The following NTRK2 variants were observed in gnomAD, a reference collection of about 807,000 sequenced individuals.
NTRK2 encodes BDNF/NT-3 growth factors receptor.
In NTRK2, 13 loss-of-function variants were observed where a neutral mutation model predicts 94.5. That is an observed-to-expected ratio of 0.14 (90% CI 0.09 to 0.22). The LOEUF is 0.22. Ranked by LOEUF, NTRK2 falls within the 10% of genes least tolerant of loss-of-function variation. The pLI, the probability that NTRK2 is intolerant of heterozygous loss-of-function variation, is 1.00. For missense variants in NTRK2, 639 were observed against 1,071.2 expected (o/e 0.60, Z 5.63); for synonymous variants, 372 against 407.4 (o/e 0.91, Z 1.05).
At chr9:84,776,343 T>G (rs1376444601) in intron 12 of NTRK2, among the ~76,000 whole-genome samples, 7 of 152,176 alleles carry the variant, frequency 4.6e-5, no homozygotes, top group African/African-American at 1.4e-4. Context: ...TGCCTCAGTC[T>G]CCTGAGTAGC....
chr9:84,757,695 C>A (rs1460380783), intron 12 of NTRK2, among the ~76,000 whole-genome samples: 1 of 152,188 alleles, frequency 6.6e-6, no homozygotes, highest in Non-Finnish European at 1.5e-5. Context: ...ATGTTTCTGA[C>A]ACTTAGTAAT....
Position 84,930,601 on chromosome 9 carries a change from T to A in NTRK2, c.1634-3561T>A, listed in dbSNP as rs537316076. On this transcript the variant is annotated intron_variant, in intron 14 of 18. Transcript: ENST00000277120. ...GTGCATTGCCGAGGTTTTATTTAAA[T>A]CAGGGAGGTAAAGGGATGTTTAAGG... is the stretch of plus-strand genomic sequence containing the variant. 3.3e-5 allele frequency among the ~76,000 whole-genome samples: 5 copies of A among 152,238 alleles called. No individual in the cohort carries two copies. The East Asian group carries it at 9.7e-4, about 29-fold the overall frequency.
At chr9:84,702,468 A>T in intron 4 of NTRK2, 49 bp downstream of exon 4, 1 of 1,452,778 alleles carries the variant, frequency 6.9e-7, no homozygotes, top group Non-Finnish European at 9.7e-7. Flanking sequence ...TTTATTCAAT[A>T]TTTCCCCCCT....
intron 2 of NTRK2, among the ~76,000 whole-genome samples, chr9:84,686,949 G>T (rs1369968719): frequency 6.6e-6 from 1 of 152,034 alleles, no homozygotes; most frequent in Non-Finnish European, 1.5e-5. Flanking sequence ...CATATCTATT[G>T]ATGTTTTATT....
chr9:84,932,400 G>A (rs1210584923), intron 14 of NTRK2, among the ~76,000 whole-genome samples: 2 of 152,150 alleles, frequency 1.3e-5, no homozygotes, highest in Non-Finnish European at 2.9e-5. Context: ...TAGGAATGTA[G>A]GTACAATCAG....
At chr9:84,917,013 A>T (rs1270117400) in intron 14 of NTRK2, among the ~76,000 whole-genome samples, 1 of 152,080 alleles carries the variant, frequency 6.6e-6, no homozygotes, top group African/African-American at 2.4e-5. Context: ...TGGTCCTGTT[A>T]ATTAGCCTTC....
Position 85,026,687 on chromosome 9 carries a change from A to C in NTRK2, c.*5250A>C. On this transcript the variant is annotated 3_prime_UTR_variant, in exon 19 of 19. Coordinates refer to ENST00000277120, the MANE Select transcript of NTRK2 (RefSeq NM_006180.6). ...TGCATTTGCTTCTGTATCTGGAGAG[A>C]TGTTTGTATATATCCAGGCCGTATA... 1 of 232,934 alleles carries C rather than the reference A, an allele frequency of 4.3e-6. No individual in the cohort carries two copies. The allele number at this position is 232,934 out of a possible 1,614,324, so 14.4% of individuals were successfully genotyped here.
intron 17 of NTRK2, among the ~76,000 whole-genome samples, chr9:84,959,415 A>G (rs1254130284): frequency 6.6e-6 from 1 of 152,248 alleles, no homozygotes; most frequent in Non-Finnish European, 1.5e-5. Flanking sequence ...CATTCCCACT[A>G]GAAGTCCAAG....
intron 12 of NTRK2, among the ~76,000 whole-genome samples, chr9:84,836,495 C>T (rs866059434): frequency 6.6e-6 from 1 of 151,792 alleles, no homozygotes; most frequent in Middle Eastern, 3.4e-3. Flanking sequence ...TGAGCAAGTA[C>T]AGTCAATGCC....
At chr9:84,697,943 C>A (rs988283400) in intron 2 of NTRK2, among the ~76,000 whole-genome samples, 1 of 152,106 alleles carries the variant, frequency 6.6e-6, no homozygotes. Flanking sequence ...TCCCTCCCAC[C>A]CTTTCTTGCT....
Position 84,670,467 on chromosome 9 carries a change from C to A in NTRK2, c.-282C>A. 1 of 497,954 alleles carries A rather than the reference C, an allele frequency of 2.0e-6. No homozygotes were observed. The highest frequency in any genetic ancestry group is 1.9e-5 in the African/African-American group (1 of 51,756). 30.8% of individuals were successfully genotyped at this position (497,954 alleles called of 1,614,324 possible). On this transcript the variant is annotated 5_prime_UTR_variant, in exon 2 of 19. Transcript: ENST00000277120. ...GAGCGCCGCCGGTCGGTGCCCGGCG[C>A]GCCGGGCCATGCAGCGACGGCCGCC...
intron 17 of NTRK2, among the ~76,000 whole-genome samples, chr9:85,000,897 T>A (rs1830260983): frequency 6.6e-6 from 1 of 152,220 alleles, no homozygotes; most frequent in Admixed American, 6.5e-5. Context: ...TGAGAGTTCC[T>A]GTTGCTCCAC....
At chr9:84,901,194 G>GTTTTATTTTATTTTA (rs1339278155) in intron 14 of NTRK2, among the ~76,000 whole-genome samples, 3,169 of 63,490 alleles carry the variant, frequency 0.05, 69 homozygotes, top group South Asian at 0.063. Flanking sequence ...GTTTTGTTTT[G>GTTTTATTTTATTTTA]TTTTGTTTTG....
chr9:84,797,177 A>C (rs1265442713), intron 12 of NTRK2, among the ~76,000 whole-genome samples: 8 of 152,120 alleles, frequency 5.3e-5, no homozygotes, highest in Admixed American at 5.2e-4. Flanking sequence ...AGGTGGTTGC[A>C]TTACCCAAAG....
chr9:84,934,429 A>C (rs1198055784), intron 15 of NTRK2, 137 bp downstream of exon 15: 6 of 948,822 alleles, frequency 6.3e-6, no homozygotes, highest in Non-Finnish European at 9.8e-6. Flanking sequence ...AAATTCCTTT[A>C]AACTAAATGG....
rs1268292641 is a variant in NTRK2 at position 84,727,810 on chromosome 9, C to G, written c.1010C>G (p.Thr337Ser). The G allele has an allele frequency of 1.2e-6, 2 of 1,614,042 alleles. No homozygotes were observed. The highest frequency in any genetic ancestry group is 2.7e-5 in the African/African-American group (2 of 74,902). ...SKYICTKIHV[T>S]NHTEYHGCLQ... is the part of the protein sequence containing the mutation. ...TACATCTGTACTAAAATACATGTTA[C>G]CAATCACACGGAGTACCACGGCTGC... Residue 337 changes from threonine (T) to serine (S), a missense_variant, in exon 9 of 19, where the codon ACC (threonine) becomes AGC (serine). Thr to Ser is a moderately conservative substitution (Grantham distance 58, BLOSUM62 1). This residue lies in a region of NTRK2 where 343 missense variants were observed against 571.5 expected (regional missense o/e 0.60). Transcript: ENST00000277120.
chr9:84,680,555 T>G (rs1338947198), intron 2 of NTRK2, among the ~76,000 whole-genome samples: 1 of 152,226 alleles, frequency 6.6e-6, no homozygotes, highest in Non-Finnish European at 1.5e-5. Flanking sequence ...ATTTTCCCTC[T>G]CTCACATACC....
chr9:84,809,404 T>C (rs909398789), intron 12 of NTRK2, among the ~76,000 whole-genome samples: 1 of 148,288 alleles, frequency 6.7e-6, no homozygotes, highest in African/African-American at 2.4e-5. Flanking sequence ...ATATTATTTA[T>C]ATATTATTAT....
intron 11 of NTRK2, among the ~76,000 whole-genome samples, chr9:84,745,834 T>G (rs761656213): frequency 4.6e-5 from 7 of 152,114 alleles, no homozygotes; most frequent in Non-Finnish European, 8.8e-5. Flanking sequence ...GGCCAGGTTG[T>G]AGGTCTTGAC....
Sources: gnomAD v4.1 joint callset for allele counts (sites outside exome capture counted in the v4.1 genomes callset) on GRCh38, gnomAD v4.1.1 for gene constraint, gnomAD v4.1.1 regional missense constraint, MANE v1.5 for transcripts, NCBI Gene and HGNC (gene_info 2026-07-23, HGNC 2026-07-21) for gene names.